FSIP2: variants seen among roughly 807,000 people sequenced by gnomAD.
FSIP2 encodes fibrous sheath interacting protein 2.
Under a neutral mutation model 510.5 loss-of-function variants are expected in FSIP2, and 367 were observed. The ratio of observed to expected loss-of-function variants is 0.72; its 90% CI spans 0.66 to 0.78. The LOEUF is 0.78. FSIP2 is among the 30% of genes least tolerant of loss of function. The pLI, the probability that FSIP2 is intolerant of heterozygous loss-of-function variation, is 0.00. For synonymous variants in FSIP2, 2,601 were observed against 2,732.2 expected (o/e 0.95, Z 1.50); for missense variants, 7,594 against 7,901.7 (o/e 0.96, Z 1.48).
chr2:185,765,976 A>AT (rs1284801083), intron 13 of FSIP2: 1 of 150,304 alleles, frequency 6.7e-6, no homozygotes, highest in East Asian at 2.0e-4. Flanking sequence ...AATGCTTGTG[A>AT]TTTTTGTACA....
At position 185,794,250 on chromosome 2, in the gene FSIP2, C is replaced by A. The variant is rs752607678; in HGVS notation, c.7114C>A (p.Gln2372Lys). 5.9e-6 allele frequency: 9 copies of A among 1,533,342 alleles called. No homozygotes were observed. Among genetic ancestry groups the A allele is most frequent in the African/African-American group, 1.4e-5 (1 of 72,818 alleles). The allele number at this position is 1,533,342 out of a possible 1,614,324, so 95.0% of individuals were successfully genotyped here. A position where few individuals can be genotyped will look rare whatever the true frequency, so the allele number is the denominator to read the frequency against. ...TAAAAATGACTTAGACTTAGAAATTCAAAAGATATATCCATATCAAAACAA... is the reference window on the plus strand; with the variant it reads ...TAAAAATGACTTAGACTTAGAAATTAAAAAGATATATCCATATCAAAACAA... Reference protein sequence around the residue: ...LIKNDLDLEIQKIYPYQNNIL... With the variant: ...LIKNDLDLEIKKIYPYQNNIL... The change falls in exon 16 of 23, where the codon CAA (glutamine) becomes AAA (lysine). Residue 2372 changes from glutamine (Q) to lysine (K), a missense_variant. Transcript: ENST00000424728.
chr2:185,776,661 A>G (rs59360007), intron 13 of FSIP2, among the ~76,000 whole-genome samples: 9 of 152,296 alleles, frequency 5.9e-5, no homozygotes, highest in African/African-American at 1.9e-4. Flanking sequence ...AATATGTGAT[A>G]TGATATATGA....
In FSIP2 at chr2:185,743,229, T is replaced by C. The variant is rs1290786026; in HGVS notation, c.322T>C (p.Tyr108His). The C allele has an allele frequency of 2.0e-6, 3 of 1,527,402 alleles. No homozygotes were observed. Among genetic ancestry groups the C allele is most frequent in the Non-Finnish European group, 2.6e-6 (3 of 1,143,364 alleles). 94.6% of individuals were successfully genotyped at this position (1,527,402 alleles called of 1,614,324 possible). The change falls in exon 3 of 23, where the codon TAC (tyrosine) becomes CAC (histidine). Residue 108 changes from tyrosine to histidine, a missense_variant. Physicochemically the swap from Tyr to His is moderately conservative, Grantham distance 83 (BLOSUM62 2). Coordinates refer to ENST00000424728, the MANE Select transcript of FSIP2 (RefSeq NM_173651.4). ...CCTCCATGATCCACATTTAAAAGCA[T>C]ACTATAAGCGCAAAGATATTTTGAA... Reference protein sequence around the residue: ...KSLHDPHLKAYYKRKDILKRL... With the variant: ...KSLHDPHLKAHYKRKDILKRL...
chr2:185,808,284 T>G lies in FSIP2; in HGVS notation c.18978T>G (p.Ile6326Met), dbSNP rs776006726. The G allele has an allele frequency of 2.5e-6, 4 of 1,601,894 alleles. No homozygotes were observed. In the African/African-American group the frequency reaches 5.4e-5, roughly 22 times the overall value. The change falls in exon 17 of 23, where the codon ATT becomes ATG. Residue 6326 changes from isoleucine to methionine, a missense_variant. By Grantham distance (10) the Ile-to-Met change is conservative. Transcript: ENST00000424728. Reference sequence around the variant, plus strand: ...TTATGGAAAAAGTGATCAAAATTATTGATGAACTTAAGTCTAAGGAAAAGT... The same window carrying G: ...TTATGGAAAAAGTGATCAAAATTATGGATGAACTTAAGTCTAAGGAAAAGT... ...VKIMEKVIKI[I>M]DELKSKEKSS...
rs951898509 is a variant in FSIP2 at position 185,738,875 on chromosome 2, C to T, written c.-20C>T. ...GAGAGCGGGGCGGGTGAGGAAGGGG[C>T]TGAGGGGGCTGTGCCGGCCATGGAG... On this transcript the variant is annotated 5_prime_UTR_variant, in exon 1 of 23. Coordinates refer to ENST00000424728, the MANE Select transcript of FSIP2 (RefSeq NM_173651.4). 2.6e-6 allele frequency: 4 copies of T among 1,518,060 alleles called. No homozygotes were observed. Among genetic ancestry groups the T allele is most frequent in the Non-Finnish European group, 3.5e-6 (4 of 1,138,434 alleles). The allele number at this position is 1,518,060 out of a possible 1,614,324, so 94.0% of individuals were successfully genotyped here. A position where few individuals can be genotyped will look rare whatever the true frequency, so the allele number is the denominator to read the frequency against.
At chr2:185,752,606 A>G (rs2105543294) in intron 7 of FSIP2, among the ~76,000 whole-genome samples, 1 of 151,448 alleles carries the variant, frequency 6.6e-6, no homozygotes, top group African/African-American at 2.4e-5. Flanking sequence ...TTCTCTATTA[A>G]TGGATGTGCC....
At chr2:185,824,335 G>A (rs868749496) in intron 19 of FSIP2, 99 bp from the exon 20 acceptor site, 5 of 779,786 alleles carry the variant, frequency 6.4e-6, no homozygotes, top group Non-Finnish European at 1.1e-5. Flanking sequence ...ACTATTTCAG[G>A]TTTCTTTCCA....
Position 185,789,687 on chromosome 2 carries a change from C to T in FSIP2, c.2551C>T (p.Leu851Phe), listed in dbSNP as rs1375091880. ...EFLHLKDTNK[L>F]SCQQHKTDPI... ...TCTTCATCTTAAAGACACAAATAAGCTTTCCTGCCAGCAACATAAGACAGA... is the reference window on the plus strand; with the variant it reads ...TCTTCATCTTAAAGACACAAATAAGTTTTCCTGCCAGCAACATAAGACAGA... The change falls in exon 16 of 23, where the codon CTT (leucine) becomes TTT (phenylalanine). Residue 851 changes from leucine to phenylalanine, a missense_variant. Transcript: ENST00000424728. 4 of 1,533,902 alleles carry T rather than the reference C, an allele frequency of 2.6e-6. No homozygotes were observed. The highest frequency in any genetic ancestry group is 3.5e-6 in the Non-Finnish European group (4 of 1,145,656).
chr2:185,749,255 T>C (rs1360374074), intron 7 of FSIP2, among the ~76,000 whole-genome samples: 2 of 151,974 alleles, frequency 1.3e-5, no homozygotes, highest in African/African-American at 4.8e-5. Context: ...TACCTCTTTA[T>C]AATATTGAGT....
chr2:185,779,378 T>C (rs1692795124), intron 13 of FSIP2, among the ~76,000 whole-genome samples: 1 of 152,010 alleles, frequency 6.6e-6, no homozygotes, highest in Non-Finnish European at 1.5e-5. Flanking sequence ...TTTGTTTAAA[T>C]TTTTATGGAT....
chr2:185,777,837 A>G (rs11884071), intron 13 of FSIP2, among the ~76,000 whole-genome samples: 82,640 of 151,810 alleles, frequency 0.54, 22,754 homozygotes, highest in South Asian at 0.64. Flanking sequence ...ATCCTGATAC[A>G]GTTTTCGTGT....
Position 185,806,920 on chromosome 2 carries a change from G to C in FSIP2, c.17614G>C (p.Glu5872Gln). ...SVPKVPPRYK[E>Q]PTTDEAPSSI... ...TCCTAAAGTACCTCCAAGGTATAAA[G>C]AGCCAACTACAGATGAAGCACCATC... Residue 5872 changes from glutamate to glutamine, a missense_variant, in exon 17 of 23, where the codon GAG becomes CAG. By Grantham distance (29) the Glu-to-Gln change is conservative (BLOSUM62 2). Transcript: ENST00000424728. 6.2e-7 allele frequency: 1 copy of C among 1,611,428 alleles called. No homozygotes were observed. Among genetic ancestry groups the C allele is most frequent in the Non-Finnish European group, 8.5e-7 (1 of 1,178,700 alleles).
chr2:185,803,785 A>T lies in FSIP2; in HGVS notation c.14479A>T (p.Ile4827Leu), dbSNP rs1693497849. 6.6e-7 allele frequency: 1 copy of T among 1,520,612 alleles called. No individual in the cohort carries two copies. The highest frequency in any genetic ancestry group is 1.4e-5 in the African/African-American group (1 of 72,160). The allele number at this position is 1,520,612 out of a possible 1,614,324, so 94.2% of individuals were successfully genotyped here. ...TTKSDLSNTV[I>L]KLINEIMSII... is the part of the protein sequence containing the mutation. The stretch of plus-strand genomic sequence containing the variant: ...TAAATCAGACTTAAGTAATACAGTG[A>T]TAAAACTGATAAATGAAATTATGTC... The change falls in exon 17 of 23, where the codon ATA becomes TTA. Residue 4827 changes from isoleucine to leucine, a missense_variant. Coordinates refer to ENST00000424728, the MANE Select transcript of FSIP2 (RefSeq NM_173651.4).
In FSIP2 at chr2:185,795,355, A is replaced by G. The variant is rs1381462178; in HGVS notation, c.8219A>G (p.Lys2740Arg). 3.3e-6 allele frequency: 5 copies of G among 1,534,696 alleles called. No homozygotes were observed. In the Admixed American group the frequency reaches 9.8e-5, roughly 30 times the overall value. The stretch of plus-strand genomic sequence containing the variant: ...ACTTCAGAACTAAAAATATATGCCA[A>G]GGATATAATAATTAACATCCTAGAA... ...LPTSELKIYA[K>R]DIIINILETI... is the part of the protein sequence containing the mutation. Residue 2740 changes from lysine to arginine, a missense_variant, in exon 16 of 23, where the codon AAG (lysine) becomes AGG (arginine). By Grantham distance (26) the Lys-to-Arg change is conservative. Coordinates refer to ENST00000424728, the MANE Select transcript of FSIP2 (RefSeq NM_173651.4).
intron 9 of FSIP2, among the ~76,000 whole-genome samples, chr2:185,760,773 G>A (rs1033795482): frequency 6.6e-6 from 1 of 150,518 alleles, no homozygotes; most frequent in African/African-American, 2.4e-5. Context: ...TGGAGTATGA[G>A]AACAGAGAGA....
chr2:185,771,616 T>G (rs1692610297), intron 13 of FSIP2, among the ~76,000 whole-genome samples: 1 of 152,158 alleles, frequency 6.6e-6, no homozygotes, highest in Non-Finnish European at 1.5e-5. Flanking sequence ...AAAACCATTC[T>G]TTCCTCCTAG....
At chr2:185,772,496 A>C (rs748810226) in intron 13 of FSIP2, among the ~76,000 whole-genome samples, 17 of 152,178 alleles carry the variant, frequency 1.1e-4, no homozygotes, top group Non-Finnish European at 2.1e-4. Context: ...GGGAGCAGGC[A>C]TATCACATGG....
At chr2:185,828,024 TAAC>T (rs1694045430) in intron 20 of FSIP2, 129 bp from the exon 21 acceptor site, 1 of 570,982 alleles carries the variant, frequency 1.8e-6, no homozygotes, top group Non-Finnish European at 3.1e-6. Flanking sequence ...ACATTTAAAA[TAAC>T]AACTTCTTCG....
intron 2 of FSIP2, among the ~76,000 whole-genome samples, 157 bp from the exon 3 acceptor site, chr2:185,742,976 A>G (rs1480914107): frequency 6.6e-6 from 1 of 152,204 alleles, no homozygotes. Context: ...AAGGAAAGGC[A>G]GGAAAGCATG....
Sources: gnomAD v4.1 joint callset for allele counts (sites outside exome capture counted in the v4.1 genomes callset) on GRCh38, gnomAD v4.1.1 for gene constraint, MANE v1.5 for transcripts, NCBI Gene and HGNC (gene_info 2026-07-23, HGNC 2026-07-21) for gene names.